The following ROBO1 variants were observed in gnomAD, a reference collection of about 807,000 sequenced individuals.
ROBO1 encodes roundabout guidance receptor 1.
In ROBO1, 149 loss-of-function variants were observed where a neutral mutation model predicts 195.9. The ratio of observed to expected loss-of-function variants is 0.76; its 90% CI spans 0.67 to 0.87. The LOEUF is 0.87. ROBO1 is among the 40% of genes least tolerant of loss of function. The pLI, the probability that ROBO1 is intolerant of heterozygous loss-of-function variation, is 0.00. For missense variants in ROBO1, 1,933 were observed against 2,068.3 expected, an observed-to-expected ratio of 0.93 and a Z score of 1.27; for synonymous variants, 816 against 733.2, an observed-to-expected ratio of 1.11 and a Z score of -1.82.
chr3:78,921,306 G>A (rs2038927892), intron 4 of ROBO1, among the ~76,000 whole-genome samples: 1 of 151,746 alleles, frequency 6.6e-6, no homozygotes, highest in African/African-American at 2.4e-5. Flanking sequence ...TCTTCCTTTG[G>A]GTCTGTTCAG....
At chr3:79,019,820 A>C (rs2108268316) in intron 3 of ROBO1, among the ~76,000 whole-genome samples, 1 of 152,216 alleles carries the variant, frequency 6.6e-6, no homozygotes, top group South Asian at 2.1e-4. Flanking sequence ...GAATTGGAAT[A>C]AACTCTCAAC....
At chr3:79,572,526 A>G (rs1290356178) in intron 2 of ROBO1, among the ~76,000 whole-genome samples, 1 of 152,110 alleles carries the variant, frequency 6.6e-6, no homozygotes, top group Non-Finnish European at 1.5e-5. Context: ...ATAAAATTTT[A>G]GCTGAAACTA....
chr3:79,692,504 G>A (rs1219472282), intron 1 of ROBO1, among the ~76,000 whole-genome samples: 1 of 151,832 alleles, frequency 6.6e-6, no homozygotes, highest in Non-Finnish European at 1.5e-5. Context: ...ACTCTTGAAA[G>A]CATTGATCCA....
chr3:78,600,100 A>T lies in ROBO1; in HGVS notation c.4941+13T>A. ...GTCTAACATTGGTAAACTTGGGGAA[A>T]AATTATAGATACCTCTAATTCTTCA... On this transcript the variant is annotated intron_variant, in intron 30 of 30. Coordinates refer to ENST00000464233, the MANE Select transcript of ROBO1 (RefSeq NM_002941.4). 6.3e-7 allele frequency: 1 copy of T among 1,596,326 alleles called. No individual in the cohort carries two copies. Among genetic ancestry groups the T allele is most frequent in the Non-Finnish European group, 8.6e-7 (1 of 1,164,488 alleles).
At chr3:79,150,525 T>C (rs541522402) in intron 2 of ROBO1, among the ~76,000 whole-genome samples, 236 of 151,882 alleles carry the variant, frequency 1.6e-3, no homozygotes, top group African/African-American at 5.5e-3. Flanking sequence ...ATATTTAATA[T>C]TCAATAAATA....
At chr3:79,133,322 A>G (rs2080327825) in intron 2 of ROBO1, among the ~76,000 whole-genome samples, 1 of 114,164 alleles carries the variant, frequency 8.8e-6, no homozygotes, top group Non-Finnish European at 1.8e-5. Context: ...CAGGTACACC[A>G]ATCAGATGTA....
At chr3:79,490,873 G>A (rs1411227972) in intron 2 of ROBO1, among the ~76,000 whole-genome samples, 1 of 151,972 alleles carries the variant, frequency 6.6e-6, no homozygotes, top group African/African-American at 2.4e-5. Context: ...CGAGGGGGAC[G>A]CCTTGAAGAC....
intron 2 of ROBO1, among the ~76,000 whole-genome samples, chr3:79,162,908 T>TA (rs2080997875): frequency 6.6e-6 from 1 of 152,106 alleles, no homozygotes; most frequent in African/African-American, 2.4e-5. Flanking sequence ...TGGAATGAAC[T>TA]AAAAAATCAT....
At chr3:79,753,731 G>C (rs745414743) in intron 1 of ROBO1, among the ~76,000 whole-genome samples, 3 of 152,134 alleles carry the variant, frequency 2.0e-5, no homozygotes, top group Non-Finnish European at 4.4e-5. Flanking sequence ...GGAATACACA[G>C]CTTTTGAAAC....
At chr3:79,246,383 T>G (rs2082624660) in intron 2 of ROBO1, among the ~76,000 whole-genome samples, 1 of 152,130 alleles carries the variant, frequency 6.6e-6, no homozygotes, top group South Asian at 2.1e-4. Flanking sequence ...TGAACAGTCT[T>G]GCCCCTGTGT....
chr3:79,556,511 AT>A (rs1277006890), intron 2 of ROBO1, among the ~76,000 whole-genome samples: 6 of 152,118 alleles, frequency 3.9e-5, no homozygotes, highest in Non-Finnish European at 8.8e-5. Context: ...ATAAAATTGT[AT>A]GTAACCTACA....
At chr3:78,607,731 T>C (rs1017321220) in intron 28 of ROBO1, among the ~76,000 whole-genome samples, 5 of 152,124 alleles carry the variant, frequency 3.3e-5, no homozygotes, top group Non-Finnish European at 5.9e-5. Context: ...TGCAAATTGA[T>C]TGAGGTGGTA....
chr3:78,688,563 T>G, intron 9 of ROBO1, 85 bp downstream of exon 9: 1 of 1,357,692 alleles, frequency 7.4e-7, no homozygotes, highest in Non-Finnish European at 9.8e-7. Flanking sequence ...GCTGCATGAC[T>G]AAGTAATATG....
At chr3:79,173,734 C>T (rs2081211610) in intron 2 of ROBO1, among the ~76,000 whole-genome samples, 1 of 152,174 alleles carries the variant, frequency 6.6e-6, no homozygotes, top group African/African-American at 2.4e-5. Flanking sequence ...CGGCAGGCAG[C>T]TCCACCTGTG....
chr3:79,621,823 G>T (rs950892021), intron 1 of ROBO1, among the ~76,000 whole-genome samples: 1 of 152,016 alleles, frequency 6.6e-6, no homozygotes, highest in South Asian at 2.1e-4. Context: ...TAAATGAAAG[G>T]CTCATAGATT....
At chr3:79,396,272 T>C (rs1269245244) in intron 2 of ROBO1, among the ~76,000 whole-genome samples, 1 of 152,060 alleles carries the variant, frequency 6.6e-6, no homozygotes, top group Non-Finnish European at 1.5e-5. Flanking sequence ...TTTGAGGTTT[T>C]TGATAGTAAG....
At chr3:78,954,266 C>T (rs13321792) in intron 3 of ROBO1, among the ~76,000 whole-genome samples, 22,289 of 151,952 alleles carry the variant, frequency 0.15, 2,397 homozygotes, top group African/African-American at 0.31. Context: ...TTGTGGAAAA[C>T]ATTGCAAATA....
intron 2 of ROBO1, among the ~76,000 whole-genome samples, chr3:79,389,995 A>G (rs1321235549): frequency 6.6e-6 from 1 of 151,976 alleles, no homozygotes; most frequent in Non-Finnish European, 1.5e-5. Context: ...TAGGATGATA[A>G]TAATGATGAT....
intron 2 of ROBO1, among the ~76,000 whole-genome samples, chr3:79,410,270 CAA>C (rs1286692752): frequency 6.6e-6 from 1 of 151,788 alleles, no homozygotes; most frequent in Non-Finnish European, 1.5e-5. Flanking sequence ...GCAAAACAAG[CAA>C]AAAGTTATAA....
Sources: gnomAD v4.1 joint callset for allele counts (sites outside exome capture counted in the v4.1 genomes callset) on GRCh38, gnomAD v4.1.1 for gene constraint, MANE v1.5 for transcripts, NCBI Gene and HGNC (gene_info 2026-07-23, HGNC 2026-07-21) for gene names.